The following MPDZ variants were observed in gnomAD, a reference collection of about 807,000 sequenced individuals.
MPDZ encodes the protein multiple PDZ domain protein.
A neutral mutation model predicts 239.1 loss-of-function variants in MPDZ; 234 were observed. The observed-to-expected ratio is 0.98, with a 90% CI of 0.88 to 1.09. MPDZ has a LOEUF of 1.09. MPDZ is among the 50% of genes least tolerant of loss of function. The pLI, the probability that MPDZ is intolerant of heterozygous loss-of-function variation, is 0.00. For missense variants in MPDZ, 3,175 were observed against 2,510.0 expected (o/e 1.26, Z -5.66); for synonymous variants, 1,048 against 881.3 (o/e 1.19, Z -3.35).
At chr9:13,125,157 C>A (rs988946646) in intron 35 of MPDZ, 59 bp downstream of exon 35, 14 of 1,443,358 alleles carry the variant, frequency 9.7e-6, no homozygotes, top group Non-Finnish European at 1.2e-5. Context: ...AAGCAGAAAC[C>A]CTCTGCTGAG....
intron 39 of MPDZ, among the ~76,000 whole-genome samples, chr9:13,116,868 T>C (rs538159877): frequency 2.6e-5 from 4 of 152,164 alleles, no homozygotes; most frequent in African/African-American, 7.2e-5. Flanking sequence ...ACTTATAAGA[T>C]TGTATTTTAC....
chr9:13,162,118 G>A (rs1950556456), intron 23 of MPDZ, among the ~76,000 whole-genome samples: 1 of 151,996 alleles, frequency 6.6e-6, no homozygotes, highest in African/African-American at 2.4e-5. Context: ...TACAGAATTA[G>A]CCTGATGTGG....
At chr9:13,136,921 AT>A (rs1304078989) in intron 29 of MPDZ, 118 bp from the exon 30 acceptor site, 1 of 502,640 alleles carries the variant, frequency 2.0e-6, no homozygotes, top group Non-Finnish European at 3.4e-6. Context: ...TTTATATTAA[AT>A]GTTATATATT....
At position 13,147,562 on chromosome 9, in the gene MPDZ, T is replaced by C. The variant is rs1186698161; in HGVS notation, c.3727A>G (p.Ile1243Val). Residue 1243 changes from isoleucine (I) to valine (V), a missense_variant, in exon 26 of 47, where the codon ATA becomes GTA. Physicochemically the swap from Ile to Val is conservative, Grantham distance 29 (BLOSUM62 3). Coordinates refer to ENST00000319217, the MANE Select transcript of MPDZ (RefSeq NM_001378778.1). ...TGTTCGCTTACCCTTGGTCTGTTTA[T>C]AATGCTCTGTACCATAAAGACTACA... Reference protein sequence around the residue: ...NPVVFMVQSIINRPRKSPLPS... With the variant: ...NPVVFMVQSIVNRPRKSPLPS... 1.2e-6 allele frequency: 2 copies of C among 1,611,840 alleles called. No individual in the cohort carries two copies. Among genetic ancestry groups the C allele is most frequent in the Admixed American group, 1.7e-5 (1 of 59,846 alleles).
In MPDZ at chr9:13,123,244, G is replaced by A. The variant is rs759229967; in HGVS notation, c.4862C>T (p.Pro1621Leu). 2.5e-6 allele frequency: 4 copies of A among 1,613,470 alleles called. No homozygotes were observed. The highest frequency in any genetic ancestry group is 3.4e-6 in the Non-Finnish European group (4 of 1,179,754). The change falls in exon 36 of 47, where the codon CCC becomes CTC. Residue 1621 changes from proline (P) to leucine (L), a missense_variant. Physicochemically the swap from Pro to Leu is moderately conservative, Grantham distance 98. Transcript: ENST00000319217. ...AIFASDPATCPIIPGCETTIE... is the reference protein window; with the variant it reads ...AIFASDPATCLIIPGCETTIE... ...GGTTGTTTCGCAGCCAGGGATAATG[G>A]GGCAGGTTGCAGGATCAGAAGCAAA... is the stretch of plus-strand genomic sequence containing the variant.
At chr9:13,176,480 T>C (rs1952508650) in intron 19 of MPDZ, 63 bp from the exon 20 acceptor site, 2 of 1,258,070 alleles carry the variant, frequency 1.6e-6, no homozygotes, top group Admixed American at 3.0e-5. Flanking sequence ...CATCAATATA[T>C]AACATCACTT....
intron 22 of MPDZ, 46 bp from the exon 23 acceptor site, chr9:13,162,841 G>T: frequency 1.5e-6 from 2 of 1,375,140 alleles, no homozygotes; most frequent in Non-Finnish European, 2.0e-6. Context: ...ATAATATTTT[G>T]CCTAATTGTT....
chr9:13,205,031 T>C lies in MPDZ; in HGVS notation c.1546+5A>G, dbSNP rs1405737942. On this transcript the variant is annotated splice_donor_5th_base_variant and intron_variant, in intron 12 of 46. Transcript: ENST00000319217. ...GTACACAATAAGCTGGCGCTAGGTG[T>C]TTACCTTCTTCTTCAGTTGGTAATA... 4 of 1,446,732 alleles carry C rather than the reference T, an allele frequency of 2.8e-6. No homozygotes were observed. Among genetic ancestry groups the C allele is most frequent in the East Asian group, 2.7e-5 (1 of 36,788 alleles). 89.6% of individuals were successfully genotyped at this position (1,446,732 alleles called of 1,614,324 possible). A position where few individuals can be genotyped will look rare whatever the true frequency, so the allele number is the denominator to read the frequency against.
chr9:13,177,376 C>T (rs1004501764), intron 19 of MPDZ, among the ~76,000 whole-genome samples: 4 of 152,066 alleles, frequency 2.6e-5, no homozygotes, highest in Admixed American at 6.6e-5. Flanking sequence ...TACTTCCATT[C>T]GCTTCCCCAG....
chr9:13,215,188 A>T (rs1958140505), intron 10 of MPDZ, among the ~76,000 whole-genome samples: 1 of 151,830 alleles, frequency 6.6e-6, no homozygotes, highest in African/African-American at 2.4e-5. Context: ...TCTATTTTAG[A>T]TACTTCATAT....
At chr9:13,199,536 T>C (rs557992460) in intron 12 of MPDZ, among the ~76,000 whole-genome samples, 4 of 152,100 alleles carry the variant, frequency 2.6e-5, no homozygotes, top group South Asian at 2.1e-4. Flanking sequence ...GCAGTACTTA[T>C]GTTGAAAAAA....
intron 3 of MPDZ, among the ~76,000 whole-genome samples, chr9:13,246,855 T>A (rs1023370409): frequency 2.6e-5 from 4 of 152,228 alleles, no homozygotes; most frequent in South Asian, 2.1e-4. Flanking sequence ...CTAACTTGGA[T>A]TGAAGGCATA....
chr9:13,276,095 T>G (rs1273543978), intron 1 of MPDZ, among the ~76,000 whole-genome samples: 2 of 152,182 alleles, frequency 1.3e-5, no homozygotes, highest in Non-Finnish European at 2.9e-5. Context: ...TCCCATTAGA[T>G]TCCTCCAACT....
rs760054205 is a variant in MPDZ, at chr9:13,121,793, A to G, written c.5177T>C (p.Ile1726Thr). The change falls in exon 38 of 47, where the codon ATT becomes ACT. Residue 1726 changes from isoleucine to threonine, a missense_variant. Coordinates refer to ENST00000319217, the MANE Select transcript of MPDZ (RefSeq NM_001378778.1). ...TTTTCCCGGCTTCTTCTGCAGCTCA[A>G]TAGTGAGGGTGTCACACACTTCCTC... ...KEEEVCDTLT[I>T]ELQKKPGKGL... 2.9e-5 allele frequency: 46 copies of G among 1,613,786 alleles called. No homozygotes were observed. Among genetic ancestry groups the G allele is most frequent in the Non-Finnish European group, 3.6e-5 (43 of 1,179,884 alleles).
chr9:13,223,811 C>G, intron 4 of MPDZ, 101 bp from the exon 5 acceptor site: 1 of 1,278,794 alleles, frequency 7.8e-7, no homozygotes, highest in Non-Finnish European at 1.0e-6. Flanking sequence ...GTGGGAGGAT[C>G]ACTTGAAGCC....
At chr9:13,188,281 G>A (rs973928782) in intron 17 of MPDZ, among the ~76,000 whole-genome samples, 18 of 152,136 alleles carry the variant, frequency 1.2e-4, no homozygotes, top group African/African-American at 4.3e-4. Flanking sequence ...ACTTTGGGAG[G>A]CTGAGGTAGG....
chr9:13,156,558 G>T (rs190840260), intron 24 of MPDZ, among the ~76,000 whole-genome samples: 644 of 152,246 alleles, frequency 4.2e-3, no homozygotes, highest in Middle Eastern at 0.01. Flanking sequence ...ACTATCAGGA[G>T]AACAGCATGG....
At chr9:13,162,063 G>A (rs1353337514) in intron 23 of MPDZ, among the ~76,000 whole-genome samples, 1 of 152,058 alleles carries the variant, frequency 6.6e-6, no homozygotes, top group South Asian at 2.1e-4. Context: ...TCAGAAGTTT[G>A]AGACCAGCCT....
In MPDZ at chr9:13,122,106, G is replaced by T; in HGVS notation, c.5018C>A (p.Ala1673Asp). The T allele has an allele frequency of 1.9e-6, 3 of 1,613,986 alleles. No homozygotes were observed. The highest frequency in any genetic ancestry group is 1.7e-6 in the Non-Finnish European group (2 of 1,179,928). The change falls in exon 37 of 47, where the codon GCT (alanine) becomes GAT (aspartate). Residue 1673 changes from alanine (A) to aspartate (D), a missense_variant. By Grantham distance (126) the Ala-to-Asp change is moderately radical. Coordinates refer to ENST00000319217, the MANE Select transcript of MPDZ (RefSeq NM_001378778.1). ...GAACKDGRLW[A>D]GDQILEVNGI... Reference sequence around the variant, plus strand: ...CTATACCTCTAAGATCTGATCTCCAGCCCAGAGTCTTCCATCTTTACATGC... The same window carrying T: ...CTATACCTCTAAGATCTGATCTCCATCCCAGAGTCTTCCATCTTTACATGC...
Sources: allele counts gnomAD v4.1 joint callset (sites outside exome capture counted in the v4.1 genomes callset), GRCh38; gene constraint gnomAD v4.1.1; transcripts MANE v1.5; gene names NCBI Gene and HGNC (gene_info 2026-07-23, HGNC 2026-07-21).